Variants in UGT2B11 observed in about 807,000 individuals in gnomAD.
The protein encoded by UGT2B11 is UDP glucuronosyltransferase family 2 member B11.
UGT2B11 carries 49 observed loss-of-function variants against 51.7 expected under a neutral mutation model. The observed-to-expected ratio is 0.95, with a 90% confidence interval of 0.75 to 1.20. The LOEUF is 1.20. Ranked by LOEUF, UGT2B11 falls within the 50% of genes most tolerant of loss-of-function variation. The probability of loss-of-function intolerance (pLI) is 0.00; values close to 1 mark genes in which losing one functional copy is unlikely to be tolerated. For missense variants in UGT2B11, 810 were observed against 622.1 expected, an observed-to-expected ratio of 1.30 and a Z score of -3.21; for synonymous variants, 273 against 209.0, an observed-to-expected ratio of 1.31 and a Z score of -2.64.
chr4:69,212,739 A>G lies in UGT2B11; in HGVS notation c.722-18T>C. 1 of 1,591,948 alleles carries G rather than the reference A, an allele frequency of 6.3e-7. No homozygotes were observed. The highest frequency in any genetic ancestry group is 8.5e-7 in the Non-Finnish European group (1 of 1,173,416). On this transcript the variant is annotated intron_variant, in intron 1 of 5. Coordinates refer to ENST00000446444, the MANE Select transcript of UGT2B11 (RefSeq NM_001073.3). ...GGGTCTTCCTGACAGGAATAAAGAAAAGAAAAAGTGGATGATGTAAGATAA... is the reference window on the plus strand; with the variant it reads ...GGGTCTTCCTGACAGGAATAAAGAAGAGAAAAAGTGGATGATGTAAGATAA...
intron 3 of UGT2B11, among the ~76,000 whole-genome samples, chr4:69,206,810 C>T (rs1442478492): frequency 1.3e-5 from 2 of 151,442 alleles, no homozygotes; most frequent in Admixed American, 6.6e-5. Flanking sequence ...GTAATGTATT[C>T]GTTTATTTTT....
chr4:69,205,186 G>C (rs181998971), intron 4 of UGT2B11, among the ~76,000 whole-genome samples: 97 of 151,690 alleles, frequency 6.4e-4, no homozygotes, highest in Admixed American at 1.1e-3. Flanking sequence ...GGAGAAAACA[G>C]GTGTAAAATT....
chr4:69,222,404 G>T, the UGT2B11 span, among the ~76,000 whole-genome samples: 2 of 152,264 alleles, frequency 1.3e-5, no homozygotes, highest in Admixed American at 1.3e-4. Context: ...TAGTTCACAG[G>T]CTTTTTCCTG....
upstream of UGT2B11, among the ~76,000 whole-genome samples, chr4:69,218,541 TA>T (rs1371489123): frequency 6.6e-6 from 1 of 151,898 alleles, no homozygotes; most frequent in Non-Finnish European, 1.5e-5. Flanking sequence ...TGGGATAAAA[TA>T]ATAGAAGAGT....
At chr4:69,217,872 T>A (rs1457829664), upstream of UGT2B11, among the ~76,000 whole-genome samples, 2 of 152,110 alleles carry the variant, frequency 1.3e-5, no homozygotes, top group African/African-American at 4.8e-5. Flanking sequence ...TATTGGGCAT[T>A]CCTCCAAGAT....
intron 3 of UGT2B11, among the ~76,000 whole-genome samples, chr4:69,208,142 C>A (rs916617810): frequency 1.3e-5 from 2 of 151,494 alleles, no homozygotes; most frequent in Non-Finnish European, 1.5e-5. Context: ...CTCATGAATA[C>A]CAAGGGTAGT....
chr4:69,212,480 C>T (rs1240332676), intron 2 of UGT2B11, 93 bp downstream of exon 2: 4 of 1,547,450 alleles, frequency 2.6e-6, no homozygotes, highest in Non-Finnish European at 3.5e-6. Context: ...ATCTTTCTTT[C>T]AGTGTAAGTC....
In UGT2B11 at chr4:69,214,238, G is replaced by A. The variant is rs775064565; in HGVS notation, c.485C>T (p.Ala162Val). 3.0e-5 allele frequency: 49 copies of A among 1,613,092 alleles called. No homozygotes were observed. The highest frequency in any genetic ancestry group is 2.7e-4 in the Admixed American group (16 of 59,890). ...GTACACAAACCGTATGTTAAGTAGC[G>A]CAGCCAGCAGCTCACCACAGGGAAA... Reference protein sequence around the residue: ...AVFPCGELLAALLNIRFVYSL... With the variant: ...AVFPCGELLAVLLNIRFVYSL... Residue 162 changes from alanine (A) to valine (V), a missense_variant, in exon 1 of 6, where the codon GCG (alanine) becomes GTG (valine). Physicochemically the swap from Ala to Val is moderately conservative, Grantham distance 64. Transcript: ENST00000446444.
At chr4:69,222,533 A>T in the UGT2B11 span, among the ~76,000 whole-genome samples, 9 of 152,212 alleles carry the variant, frequency 5.9e-5, no homozygotes, top group African/African-American at 1.9e-4. Context: ...CCTGTGGGGA[A>T]TTTTTGCCAC....
rs767723469 is a variant in UGT2B11 at position 69,214,435 on chromosome 4, T to C, written c.288A>G (p.Arg96=). The part of the protein sequence containing the change: ...FENIIMQQVK[R]WSDIRKDSFW... Reference sequence around the variant, plus strand: ...AGCTATCTTTTCGAATGTCTGACCATCTCTTAACCTGTTGCATGATGATAT... The same window carrying C: ...AGCTATCTTTTCGAATGTCTGACCACCTCTTAACCTGTTGCATGATGATAT... The change falls in exon 1 of 6, where the codon AGA becomes AGG. Residue 96 remains arginine (R), a synonymous_variant. Coordinates refer to ENST00000446444, the MANE Select transcript of UGT2B11 (RefSeq NM_001073.3). The C allele has an allele frequency of 6.2e-7, 1 of 1,613,230 alleles. No homozygotes were observed. Among genetic ancestry groups the C allele is most frequent in the Non-Finnish European group, 8.5e-7 (1 of 1,179,526 alleles).
chr4:69,204,367 CT>C, intron 5 of UGT2B11, 62 bp downstream of exon 5: 1 of 1,594,092 alleles, frequency 6.3e-7, no homozygotes, highest in Non-Finnish European at 8.6e-7. Context: ...GAAACTCATG[CT>C]CACTATTGAC....
intron 4 of UGT2B11, among the ~76,000 whole-genome samples, chr4:69,205,050 C>T (rs1465866341): frequency 6.6e-6 from 1 of 151,656 alleles, no homozygotes; most frequent in African/African-American, 2.4e-5. Flanking sequence ...ACAGGTCACA[C>T]TTCATCATGA....
chr4:69,223,484 G>A, the UGT2B11 span, among the ~76,000 whole-genome samples: 4 of 152,160 alleles, frequency 2.6e-5, no homozygotes, highest in Non-Finnish European at 5.9e-5. Flanking sequence ...TGCACCCACT[G>A]ACCACTAAAT....
chr4:69,220,587 A>T, the UGT2B11 span, among the ~76,000 whole-genome samples: 1 of 150,720 alleles, frequency 6.6e-6, no homozygotes, highest in Non-Finnish European at 1.5e-5. Context: ...CAAATTTGAC[A>T]AGGAGGTTAA....
chr4:69,210,955 A>G (rs1244644697), intron 2 of UGT2B11: 1 of 151,638 alleles, frequency 6.6e-6, no homozygotes, highest in Admixed American at 6.6e-5. Context: ...TTATATGCTG[A>G]CAGAAGTTTC....
chr4:69,200,679 C>A lies in UGT2B11; in HGVS notation c.1351G>T (p.Asp451Tyr). The change falls in exon 6 of 6, where the codon GAT (aspartate) becomes TAT (tyrosine). Residue 451 changes from aspartate (D) to tyrosine (Y), a missense_variant. Coordinates refer to ENST00000446444, the MANE Select transcript of UGT2B11 (RefSeq NM_001073.3). ...NIMKLSRIQH[D>Y]QPVKPLDRAV... is the part of the protein sequence containing the mutation. ...CGATCCAGGGGCTTTACTGGTTGAT[C>A]ATGTTGAATTCTTGATAATTTCATA... The A allele has an allele frequency of 1.2e-6, 2 of 1,611,834 alleles. No individual in the cohort carries two copies.
At chr4:69,200,979 G>A (rs368438486) in intron 5 of UGT2B11, among the ~76,000 whole-genome samples, 1 of 150,586 alleles carries the variant, frequency 6.6e-6, no homozygotes, top group Non-Finnish European at 1.5e-5. Context: ...AAAATATAAG[G>A]CATTTTAACT....
rs1195990243 is a variant in UGT2B11 at position 69,204,580 on chromosome 4, C to T, written c.1160G>A (p.Gly387Glu). The T allele has an allele frequency of 1.2e-6, 2 of 1,612,056 alleles. No homozygotes were observed. Among genetic ancestry groups the T allele is most frequent in the Non-Finnish European group, 8.5e-7 (1 of 1,178,804 alleles). The change falls in exon 5 of 6, where the codon GGG becomes GAG. Residue 387 changes from glycine to glutamate, a missense_variant. Physicochemically the swap from Gly to Glu is moderately conservative, Grantham distance 98. Transcript: ENST00000446444. ...CAATGGAATGCCCACCATAGGGATC[C>T]CATGGTAGATTGCCTCATAGATGCC... The part of the protein sequence containing the change: ...ANGIYEAIYH[G>E]IPMVGIPLFF...
chr4:69,201,228 T>C (rs1386843708), intron 5 of UGT2B11: 2 of 152,074 alleles, frequency 1.3e-5, no homozygotes, highest in African/African-American at 2.4e-5. Context: ...AGAAAGACTA[T>C]GAAAATGCGA....
Sources: allele counts gnomAD v4.1 joint callset (sites outside exome capture counted in the v4.1 genomes callset), GRCh38; gene constraint gnomAD v4.1.1; transcripts MANE v1.5; gene names NCBI Gene and HGNC (gene_info 2026-07-23, HGNC 2026-07-21).